PCSK7: variants seen among roughly 807,000 people sequenced by gnomAD.
PCSK7 encodes the protein proprotein convertase subtilisin/kexin type 7.
Under a neutral mutation model 73.3 loss-of-function variants are expected in PCSK7, and 38 were observed. The ratio of observed to expected loss-of-function variants is 0.52; its 90% confidence interval spans 0.40 to 0.68. The LOEUF is 0.68. PCSK7 is among the 30% of genes least tolerant of loss of function. The pLI is 0.00. For synonymous variants in PCSK7, 296 were observed against 383.8 expected, an observed-to-expected ratio of 0.77 and a Z score of 2.68; for missense variants, 692 against 991.5, an observed-to-expected ratio of 0.70 and a Z score of 4.06.
rs2032455949 is a variant in PCSK7, at chr11:117,226,992, G to A, written c.769+165C>T. 4 of 529,528 alleles carry A rather than the reference G, an allele frequency of 7.6e-6. No homozygotes were observed. In the East Asian group the frequency reaches 1.3e-4, roughly 18 times the overall value. 32.8% of individuals were successfully genotyped at this position (529,528 alleles called of 1,614,324 possible). On this transcript the variant is annotated intron_variant, in intron 5 of 16. Transcript: ENST00000320934. The stretch of plus-strand genomic sequence containing the variant: ...CACCACTGCACTGAAAAATCAATGA[G>A]CTGATATGTCCTACAGACACCTATT...
intron 10 of PCSK7, 195 bp downstream of exon 10, chr11:117,219,396 T>G: frequency 1.5e-6 from 1 of 645,522 alleles, no homozygotes; most frequent in African/African-American, 1.8e-5. Context: ...AGAGCTCCCC[T>G]TTGCAGATAA....
chr11:117,212,404 C>CTTTTTTTTT (rs1196002458), intron 12 of PCSK7: 1 of 124,942 alleles, frequency 8.0e-6, no homozygotes, highest in Non-Finnish European at 1.6e-5. Flanking sequence ...TTTTTCTTTT[C>CTTTTTTTTT]TTTTTTTTTT....
rs142825051 is a variant in PCSK7, at chr11:117,224,397, G to A, written c.916-181C>T. ...GTGAGGGAGCTGTGAGTTGACCCAG[G>A]ATGTGGGGCAGCTGTGAGTTGAATG... On this transcript the variant is annotated intron_variant, in intron 7 of 16. Transcript: ENST00000320934. Among the ~76,000 whole-genome samples the A allele has an allele frequency of 1.3e-4, 20 of 152,294 alleles. No homozygotes were observed. The East Asian group carries it at 3.9e-3, about 29-fold the overall frequency.
chr11:117,222,674 T>A (rs2032249455), intron 9 of PCSK7: 1 of 148,314 alleles, frequency 6.7e-6, no homozygotes, highest in Non-Finnish European at 1.5e-5. Context: ...TGAGAAGGAG[T>A]CTTGTTCTGT....
intron 1 of PCSK7, 85 bp from the exon 2 acceptor site, chr11:117,230,553 C>T (rs1229320986): frequency 6.6e-6 from 1 of 152,282 alleles, no homozygotes; most frequent in African/African-American, 2.4e-5. Flanking sequence ...GGACCAGGGA[C>T]CAAAGAAACT....
chr11:117,204,897 C>T lies in PCSK7; in HGVS notation c.*1100G>A, dbSNP rs537584644. On this transcript the variant is annotated 3_prime_UTR_variant, in exon 17 of 17. Transcript: ENST00000320934. ...CGGGCTTGTATGTGTTCCTGGCTGC[C>T]GTCCTCTGAAGGACCCTTCATGTGC... 11 of 219,940 alleles carry T rather than the reference C, an allele frequency of 5.0e-5. No homozygotes were observed. Among genetic ancestry groups the T allele is most frequent in the African/African-American group, 1.1e-4 (5 of 43,930 alleles). 13.6% of individuals were successfully genotyped at this position (219,940 alleles called of 1,614,324 possible).
chr11:117,205,620 T>C lies in PCSK7; in HGVS notation c.*377A>G, dbSNP rs78301905. ...CCAAGTGACCCCAGTGATGTTTCCA[T>C]TGAGATGCGCTCCTGGCTATGGCAG... On this transcript the variant is annotated 3_prime_UTR_variant, in exon 17 of 17. Transcript: ENST00000320934. The C allele has an allele frequency of 0.026, 6,347 of 248,036 alleles. 122 individuals carry two copies. Among genetic ancestry groups the C allele is most frequent in the South Asian group, 0.095 (540 of 5,706 alleles). 15.4% of individuals were successfully genotyped at this position (248,036 alleles called of 1,614,324 possible). A position where few individuals can be genotyped will look rare whatever the true frequency, so the allele number is the denominator to read the frequency against.
rs2032505593 is a variant in PCSK7, at chr11:117,228,254, C to T, written c.565G>A (p.Gly189Arg). Residue 189 changes from glycine to arginine, a missense_variant, in exon 4 of 17, where the codon GGA becomes AGA. Gly to Arg is a moderately radical substitution (Grantham distance 125). Around this residue, in one of 6 missense-constraint regions of PCSK7, gnomAD observed 574 missense variants for 689.8 expected, o/e 0.83. Coordinates refer to ENST00000320934, the MANE Select transcript of PCSK7 (RefSeq NM_004716.4). Reference protein sequence around the residue: ...RGVTVVVVDDGVEHTIQDIAP... With the variant: ...RGVTVVVVDDRVEHTIQDIAP... ...ATGTCCTGGATGGTGTGTTCCACTCCGTCATCCACTACCACCACCGTCACC... is the reference window on the plus strand; with the variant it reads ...ATGTCCTGGATGGTGTGTTCCACTCTGTCATCCACTACCACCACCGTCACC... 9.3e-6 allele frequency: 15 copies of T among 1,613,336 alleles called. No homozygotes were observed. Among genetic ancestry groups the T allele is most frequent in the African/African-American group, 1.3e-5 (1 of 74,882 alleles).
At chr11:117,226,754 C>T (rs1251995670) in intron 5 of PCSK7, 6 of 172,696 alleles carry the variant, frequency 3.5e-5, no homozygotes, top group Non-Finnish European at 7.3e-5. Context: ...TGTGAAAGAA[C>T]CACAGAACCA....
At chr11:117,214,064 C>A (rs1433498896) in intron 12 of PCSK7, 1 of 145,998 alleles carries the variant, frequency 6.8e-6, no homozygotes, top group African/African-American at 2.5e-5. Flanking sequence ...TCAAGCAATT[C>A]TCCTGCCTCA....
intron 12 of PCSK7, chr11:117,217,294 G>A (rs1410317462): frequency 1.3e-5 from 2 of 151,154 alleles, no homozygotes; most frequent in African/African-American, 4.8e-5. Context: ...TTTGACAGAT[G>A]CAACAGGAAA....
At chr11:117,224,871 G>T in intron 6 of PCSK7, 116 bp from the exon 7 acceptor site, 1 of 773,366 alleles carries the variant, frequency 1.3e-6, no homozygotes, top group South Asian at 1.4e-5. Flanking sequence ...CTCCTCCCAA[G>T]GGTTCCACTT....
chr11:117,220,541 G>A (rs1276935293), intron 9 of PCSK7: 2 of 152,330 alleles, frequency 1.3e-5, no homozygotes, highest in East Asian at 3.8e-4. Flanking sequence ...ACCATGGGGG[G>A]GCCTCCCGAT....
intron 12 of PCSK7, 174 bp from the exon 13 acceptor site, chr11:117,209,227 A>G: frequency 1.8e-6 from 1 of 553,754 alleles, no homozygotes; most frequent in Middle Eastern, 4.9e-4. Context: ...TCTCAAGTTT[A>G]CAACGTAGCT....
rs2031259283 is a variant in PCSK7 at position 117,204,611 on chromosome 11, C to T, written c.*1386G>A. 1 of 590,070 alleles carries T rather than the reference C, an allele frequency of 1.7e-6. No individual in the cohort carries two copies. Among genetic ancestry groups the T allele is most frequent in the Non-Finnish European group, 3.1e-6 (1 of 320,396 alleles). The allele number at this position is 590,070 out of a possible 1,614,324, so 36.6% of individuals were successfully genotyped here. A position where few individuals can be genotyped will look rare whatever the true frequency, so the allele number is the denominator to read the frequency against. On this transcript the variant is annotated 3_prime_UTR_variant, in exon 17 of 17. Coordinates refer to ENST00000320934, the MANE Select transcript of PCSK7 (RefSeq NM_004716.4). ...CTGCCCCCATCACCTCTACTGTCTC[C>T]TCCCTGGGCTAAGCAGGGGAGAAGC... is the stretch of plus-strand genomic sequence containing the variant.
At chr11:117,231,057 C>CA (rs5795071) in intron 1 of PCSK7, 21,476 of 134,618 alleles carry the variant, frequency 0.16, 1,715 homozygotes, top group Non-Finnish European at 0.2. Context: ...CAGGAGCCCT[C>CA]AAAAAAAAAA....
intron 12 of PCSK7, chr11:117,214,589 G>A (rs56081989): frequency 0.16 from 24,872 of 152,126 alleles, 2,153 homozygotes; most frequent in Admixed American, 0.19. Flanking sequence ...TGACAAGAAT[G>A]TTAAAAAGGA....
At chr11:117,219,854 G>A (rs918942171) in intron 9 of PCSK7, 96 bp from the exon 10 acceptor site, 55 of 885,860 alleles carry the variant, frequency 6.2e-5, no homozygotes, top group Non-Finnish European at 8.7e-5. Flanking sequence ...GGGAGGCCCA[G>A]GCAGGAGGAT....
In PCSK7 at chr11:117,223,267, C is replaced by T. The variant is rs1178142284; in HGVS notation, c.1096G>A (p.Glu366Lys). 6 of 1,613,792 alleles carry T rather than the reference C, an allele frequency of 3.7e-6. No individual in the cohort carries two copies. Among genetic ancestry groups the T allele is most frequent in the Non-Finnish European group, 5.1e-6 (6 of 1,179,804 alleles). The change falls in exon 9 of 17, where the codon GAA becomes AAA. Residue 366 changes from glutamate to lysine, a missense_variant. Around this residue, in one of 6 missense-constraint regions of PCSK7, gnomAD observed 574 missense variants for 689.8 expected, o/e 0.83. Coordinates refer to ENST00000320934, the MANE Select transcript of PCSK7 (RefSeq NM_004716.4). ...EEGRMPFYAE[E>K]CASMLAVTFS... is the part of the protein sequence containing the mutation. ...GTGACTGCCAGCATGGAGGCACATT[C>T]TTCTGCATAGAAAGGCATGCGTCCC...
Sources: allele counts gnomAD v4.1 joint callset (sites outside exome capture counted in the v4.1 genomes callset), GRCh38; gene constraint gnomAD v4.1.1; regional missense constraint gnomAD v4.1.1; transcripts MANE v1.5; gene names NCBI Gene and HGNC (gene_info 2026-07-23, HGNC 2026-07-21).